Variants in SCN11A observed in about 807,000 individuals in gnomAD.
SCN11A encodes the protein sodium voltage-gated channel alpha subunit 11, also known as sodium channel protein type 11 subunit alpha.
Under a neutral mutation model 162.2 loss-of-function variants are expected in SCN11A, and 122 were observed. The ratio of observed to expected loss-of-function variants is 0.75; its 90% CI spans 0.65 to 0.87. The LOEUF (loss-of-function observed/expected upper bound fraction) is 0.87, where lower values mean the gene tolerates loss of function less well. Among genes scored for constraint, SCN11A ranks in the 40% least tolerant of loss-of-function variants. The probability of loss-of-function intolerance (pLI) is 0.00; values close to 1 mark genes in which losing one functional copy is unlikely to be tolerated. For missense variants in SCN11A, 2,015 were observed against 2,181.6 expected, an observed-to-expected ratio of 0.92 and a Z score of 1.52; for synonymous variants, 758 against 751.5, an observed-to-expected ratio of 1.01 and a Z score of -0.14.
In SCN11A at chr3:38,871,682, G is replaced by A; in HGVS notation, c.3522C>T (p.Ala1174=). Reference sequence around the variant, plus strand: ...GCAAAACATTCAGAATGGCAGGTATGGCACCTATGAGAGCATTGACCACCA... The same window carrying A: ...GCAAAACATTCAGAATGGCAGGTATAGCACCTATGAGAGCATTGACCACCA... ...MKVVVNALIG[A]IPAILNVLLV... The change falls in exon 25 of 30, where the codon GCC becomes GCT. Residue 1174 remains alanine (A), a synonymous_variant. Transcript: ENST00000302328. The A allele has an allele frequency of 6.2e-7, 1 of 1,610,188 alleles. No homozygotes were observed. The highest frequency in any genetic ancestry group is 8.5e-7 in the Non-Finnish European group (1 of 1,178,392).
intron 2 of SCN11A, among the ~76,000 whole-genome samples, chr3:39,015,315 C>G (rs941296256): frequency 6.6e-6 from 1 of 152,132 alleles, no homozygotes; most frequent in African/African-American, 2.4e-5. Flanking sequence ...GAACAGTGAG[C>G]CAATAAACTT....
chr3:38,981,210 C>T (rs763107221), intron 2 of SCN11A, among the ~76,000 whole-genome samples: 2 of 152,152 alleles, frequency 1.3e-5, no homozygotes, highest in Non-Finnish European at 2.9e-5. Context: ...TTCAGAAAAA[C>T]CCTAATCTGA....
intron 5 of SCN11A, among the ~76,000 whole-genome samples, chr3:38,949,688 A>G (rs944566789): frequency 6.6e-6 from 1 of 152,206 alleles, no homozygotes; most frequent in African/African-American, 2.4e-5. Flanking sequence ...CTAAGGTAGG[A>G]ACATCAGGCA....
chr3:38,985,381 C>A (rs546542759), intron 2 of SCN11A, among the ~76,000 whole-genome samples: 1 of 150,334 alleles, frequency 6.7e-6, no homozygotes, highest in Non-Finnish European at 1.5e-5. Flanking sequence ...CCACCCATCT[C>A]GGCCTCCCAA....
rs139915721 is a variant in SCN11A, at chr3:38,926,819, T to C, written c.601A>G (p.Ile201Val). 2 of 1,613,906 alleles carry C rather than the reference T, an allele frequency of 1.2e-6. No individual in the cohort carries two copies. The highest frequency in any genetic ancestry group is 1.7e-5 in the Admixed American group (1 of 59,996). Residue 201 changes from isoleucine to valine, a missense_variant, in exon 8 of 30, where the codon ATT (isoleucine) becomes GTT (valine). By Grantham distance (29) the Ile-to-Val change is conservative. Transcript: ENST00000302328. Reference protein sequence around the residue: ...LRDPWNWLDSIVIGIAIVSYI... With the variant: ...LRDPWNWLDSVVIGIAIVSYI... ...TATTCTTACGCTATTCCAATGACAA[T>C]GGAGTCCAGCCAGTTCCATGGATCT...
chr3:38,980,486 T>C (rs746947374), intron 2 of SCN11A, among the ~76,000 whole-genome samples: 1 of 152,108 alleles, frequency 6.6e-6, no homozygotes, highest in Non-Finnish European at 1.5e-5. Flanking sequence ...ACAGCTGCAA[T>C]ACGCTCTTAC....
At chr3:38,880,656 C>A (rs563992146) in intron 22 of SCN11A, among the ~76,000 whole-genome samples, 1 of 152,314 alleles carries the variant, frequency 6.6e-6, no homozygotes, top group South Asian at 2.1e-4. Flanking sequence ...CCATTCCCTA[C>A]AAATAGTGTC....
intron 23 of SCN11A, among the ~76,000 whole-genome samples, chr3:38,879,717 G>A (rs145595645): frequency 3.0e-4 from 45 of 152,296 alleles, no homozygotes; most frequent in African/African-American, 1.0e-3. Context: ...TCATGGGAAA[G>A]GTTGTAGTGG....
At chr3:39,006,015 G>T (rs2030963910) in intron 2 of SCN11A, among the ~76,000 whole-genome samples, 1 of 152,000 alleles carries the variant, frequency 6.6e-6, no homozygotes, top group Non-Finnish European at 1.5e-5. Flanking sequence ...AGTTTAGCTT[G>T]GTATATGTTT....
chr3:38,887,859 G>A (rs2065429306), intron 19 of SCN11A, among the ~76,000 whole-genome samples: 1 of 152,068 alleles, frequency 6.6e-6, no homozygotes, highest in Middle Eastern at 3.2e-3. Context: ...GACATTATAA[G>A]GTCATGATTC....
At chr3:38,992,252 T>C (rs2030475357) in intron 2 of SCN11A, among the ~76,000 whole-genome samples, 3 of 152,246 alleles carry the variant, frequency 2.0e-5, no homozygotes, top group African/African-American at 7.2e-5. Flanking sequence ...GAAGGCCTGA[T>C]GAACTGATGT....
rs781141787 is a variant in SCN11A at position 38,850,602 on chromosome 3, GT to G, written c.4205del (p.Asn1402ThrfsTer10). 9.3e-6 allele frequency: 15 copies of G among 1,613,886 alleles called. No individual in the cohort carries two copies. Among genetic ancestry groups the G allele is most frequent in the Non-Finnish European group, 1.3e-5 (15 of 1,179,918 alleles). On this transcript the variant is annotated frameshift_variant, in exon 29 of 30. Transcript: ENST00000302328. LOFTEE classifies it high-confidence loss of function. ...ACGTAAAGATGACCACAAAGACCCA[GT>G]TGAGATGGTCAAGGATGGATTTCAT... ...KAMKSILDHL[N>X]WVFVVIFTLE...
chr3:38,846,295 G>T lies in SCN11A; in HGVS notation c.*399C>A, dbSNP rs2064661202. ...TGCCCAGCTAATTTTTGTATTTTTA[G>T]TAGAGACGGAGTTTCATCATGTTGG... is the stretch of plus-strand genomic sequence containing the variant. On this transcript the variant is annotated 3_prime_UTR_variant, in exon 30 of 30. Transcript: ENST00000302328. 5.8e-6 allele frequency: 1 copy of T among 172,432 alleles called. No individual in the cohort carries two copies. 10.7% of individuals were successfully genotyped at this position (172,432 alleles called of 1,614,324 possible).
At chr3:38,956,633 A>C (rs1426518020) in intron 3 of SCN11A, among the ~76,000 whole-genome samples, 1 of 152,170 alleles carries the variant, frequency 6.6e-6, no homozygotes, top group Non-Finnish European at 1.5e-5. Flanking sequence ...AATATAGTAC[A>C]GTTCTTGGTT....
At chr3:39,005,849 C>T (rs2030956245) in intron 2 of SCN11A, among the ~76,000 whole-genome samples, 1 of 152,152 alleles carries the variant, frequency 6.6e-6, no homozygotes, top group Non-Finnish European at 1.5e-5. Context: ...CCTCCCACTA[C>T]CTCTCGGATT....
chr3:38,999,791 T>C (rs1305067113), intron 2 of SCN11A, among the ~76,000 whole-genome samples: 1 of 152,148 alleles, frequency 6.6e-6, no homozygotes, highest in Non-Finnish European at 1.5e-5. Context: ...TAGTGAACAT[T>C]TCGTGTTGGG....
chr3:38,894,956 G>A lies in SCN11A; in HGVS notation c.2412C>T (p.Asn804=), dbSNP rs764822640. 1.2e-6 allele frequency: 2 copies of A among 1,601,906 alleles called. No homozygotes were observed. Among genetic ancestry groups the A allele is most frequent in the South Asian group, 1.1e-5 (1 of 89,952 alleles). The part of the protein sequence containing the change: ...ITVIGKLVVL[N]LFIALLLNSF... ...AATTGAGCAGTAAGGCAATGAAGAGGTTGAGCACCTGGGAATGGGGTGGGT... is the reference window on the plus strand; with the variant it reads ...AATTGAGCAGTAAGGCAATGAAGAGATTGAGCACCTGGGAATGGGGTGGGT... Residue 804 remains asparagine, a synonymous_variant, in exon 19 of 30, where the codon AAC becomes AAT. Coordinates refer to ENST00000302328, the MANE Select transcript of SCN11A (RefSeq NM_001349253.2).
intron 7 of SCN11A, among the ~76,000 whole-genome samples, chr3:38,937,510 TCAAA>T (rs1457957768): frequency 2.0e-5 from 3 of 151,274 alleles, no homozygotes; most frequent in Admixed American, 6.6e-5. Context: ...TACAATGAAC[TCAAA>T]CAAATTTATA....
At chr3:38,927,324 A>AT (rs2066160157) in intron 7 of SCN11A, among the ~76,000 whole-genome samples, 1 of 152,162 alleles carries the variant, frequency 6.6e-6, no homozygotes, top group Non-Finnish European at 1.5e-5. Context: ...AAATAGCTGA[A>AT]TTTTTTCATA....
Sources: allele counts gnomAD v4.1 joint callset (sites outside exome capture counted in the v4.1 genomes callset), GRCh38; gene constraint gnomAD v4.1.1; transcripts MANE v1.5; gene names NCBI Gene and HGNC (gene_info 2026-07-23, HGNC 2026-07-21).